Variants in STK33 observed in about 807,000 individuals in gnomAD.
The protein encoded by STK33 is serine/threonine-protein kinase 33.
In STK33, 52 loss-of-function variants were observed where a neutral mutation model predicts 58.0. The ratio of observed to expected loss-of-function variants is 0.90; its 90% CI spans 0.72 to 1.13. The LOEUF is 1.13. Ranked by LOEUF, STK33 falls within the 50% of genes most tolerant of loss-of-function variation. The probability of loss-of-function intolerance (pLI) is 0.00; values close to 1 mark genes in which losing one functional copy is unlikely to be tolerated. For missense variants in STK33, 630 were observed against 604.2 expected (o/e 1.04, Z -0.45); for synonymous variants, 215 against 200.1 (o/e 1.07, Z -0.63).
intron 2 of STK33, among the ~76,000 whole-genome samples, chr11:8,478,180 T>C (rs1383041374): frequency 6.6e-6 from 1 of 152,198 alleles, no homozygotes; most frequent in Non-Finnish European, 1.5e-5. Flanking sequence ...ACAAATGATG[T>C]CACTCATATT....
At chr11:8,382,501 A>T in the STK33 span, among the ~76,000 whole-genome samples, 1 of 152,252 alleles carries the variant, frequency 6.6e-6, no homozygotes, top group Non-Finnish European at 1.5e-5. Flanking sequence ...CAAAAGACTC[A>T]GATTCCTGAT....
At chr11:8,396,933 C>T (rs1006855789) in intron 15 of STK33, among the ~76,000 whole-genome samples, 7 of 152,292 alleles carry the variant, frequency 4.6e-5, no homozygotes, top group Non-Finnish European at 8.8e-5. Flanking sequence ...CCGCCATTGC[C>T]GAGGCTTGAG....
chr11:8,568,514 A>G (rs1373734755), intron 1 of STK33, among the ~76,000 whole-genome samples: 1 of 152,222 alleles, frequency 6.6e-6, no homozygotes, highest in Admixed American at 6.5e-5. Flanking sequence ...TCGCTCTGCT[A>G]TTAAAAGTCA....
chr11:8,363,941 G>A, the STK33 span, among the ~76,000 whole-genome samples: 751 of 152,310 alleles, frequency 4.9e-3, 3 homozygotes, highest in African/African-American at 0.01. Flanking sequence ...AGTGCTGGTC[G>A]TGTCACTTAC....
the STK33 span, among the ~76,000 whole-genome samples, chr11:8,358,781 GAATA>G: frequency 1.3e-5 from 2 of 152,162 alleles, no homozygotes; most frequent in East Asian, 3.8e-4. Flanking sequence ...TGACATAAAT[GAATA>G]AATTGAAAAT....
At position 8,474,653 on chromosome 11, in the gene STK33, G is replaced by C; in HGVS notation, c.225+28C>G. ...ATTAGGGAACGGGATGTCAACTTGT[G>C]CTTAGATGTGGAATCTTTGATATTT... On this transcript the variant is annotated intron_variant, in intron 5 of 15. Transcript: ENST00000687296. The C allele has an allele frequency of 1.9e-6, 3 of 1,541,794 alleles. No homozygotes were observed. In the South Asian group the frequency reaches 3.6e-5, roughly 19 times the overall value.
intron 1 of STK33, among the ~76,000 whole-genome samples, chr11:8,586,510 C>T (rs1315936857): frequency 1.3e-5 from 2 of 152,060 alleles, no homozygotes; most frequent in African/African-American, 2.4e-5. Flanking sequence ...TGTTATAGCA[C>T]CTGCCTCAGG....
chr11:8,406,716 C>T (rs576521482), intron 15 of STK33, among the ~76,000 whole-genome samples: 1 of 152,094 alleles, frequency 6.6e-6, no homozygotes, highest in African/African-American at 2.4e-5. Flanking sequence ...CATCCAGCAA[C>T]CTCTTTAATT....
rs1956915051 is a variant in STK33, at chr11:8,558,496, T to C, written c.-466+35587A>G. Among the ~76,000 whole-genome samples the C allele has an allele frequency of 2.6e-5, 4 of 152,178 alleles. No homozygotes were observed. In the South Asian group the frequency reaches 8.3e-4, roughly 32 times the overall value. The stretch of plus-strand genomic sequence containing the variant: ...TTAGGAAACATAAATATATGGCACC[T>C]TACCTTGAAAAAAACCTGAAGTTTA... On this transcript the variant is annotated intron_variant, in intron 1 of 15. Coordinates refer to ENST00000687296, the MANE Select transcript of STK33 (RefSeq NM_001352389.2).
At chr11:8,551,622 T>C (rs1956306443) in intron 1 of STK33, among the ~76,000 whole-genome samples, 1 of 152,178 alleles carries the variant, frequency 6.6e-6, no homozygotes, top group African/African-American at 2.4e-5. Context: ...TTTCGTGGTG[T>C]TAGACCTTTA....
intron 1 of STK33, among the ~76,000 whole-genome samples, chr11:8,582,799 T>C (rs2030641603): frequency 6.6e-6 from 1 of 152,184 alleles, no homozygotes. Flanking sequence ...CTATGGTATG[T>C]TCAGAAACAT....
chr11:8,436,672 A>T (rs1944106469), intron 12 of STK33, among the ~76,000 whole-genome samples: 1 of 152,190 alleles, frequency 6.6e-6, no homozygotes, highest in African/African-American at 2.4e-5. Context: ...TAATAACAAA[A>T]ATAAACCAAG....
At chr11:8,400,395 A>G (rs1284932950) in intron 15 of STK33, among the ~76,000 whole-genome samples, 1 of 152,232 alleles carries the variant, frequency 6.6e-6, no homozygotes, top group Admixed American at 6.5e-5. Context: ...TAGATGCAGA[A>G]AAGGCCTTTG....
chr11:8,474,187 AATG>A (rs1415045119), intron 5 of STK33, among the ~76,000 whole-genome samples: 1 of 152,192 alleles, frequency 6.6e-6, no homozygotes, highest in Non-Finnish European at 1.5e-5. Flanking sequence ...AAAAAAAAAA[AATG>A]ATGAATACAT....
At position 8,405,428 on chromosome 11, in the gene STK33, G is replaced by T. The variant is rs1238842604; in HGVS notation, c.1344+8067C>A. ...AGTCTACTGACTATTTTAAAACATG[G>T]ATTGCCTTATTGCAATGTAGGAGTT... On this transcript the variant is annotated intron_variant, in intron 15 of 15. Transcript: ENST00000687296. 1.4e-4 allele frequency among the ~76,000 whole-genome samples: 22 copies of T among 152,086 alleles called. 1 individual carries two copies. The highest frequency in any genetic ancestry group is 1.4e-3 in the Admixed American group (22 of 15,272).
chr11:8,431,767 T>C (rs1212650204), intron 14 of STK33, among the ~76,000 whole-genome samples: 3 of 152,234 alleles, frequency 2.0e-5, no homozygotes, highest in Admixed American at 6.5e-5. Flanking sequence ...GGAATGAAGT[T>C]AAAATTGTAA....
At chr11:8,371,780 C>T in the STK33 span, among the ~76,000 whole-genome samples, 8 of 128,508 alleles carry the variant, frequency 6.2e-5, no homozygotes, top group Non-Finnish European at 1.3e-4. Context: ...TCCATCCCTT[C>T]GTTCCTTTCT....
At chr11:8,464,262 C>T (rs1947903237) in intron 7 of STK33, among the ~76,000 whole-genome samples, 1 of 151,964 alleles carries the variant, frequency 6.6e-6, no homozygotes, top group Non-Finnish European at 1.5e-5. Flanking sequence ...AGTGGTTCAA[C>T]ATGAAAGAGC....
At chr11:8,348,411 G>T in the STK33 span, among the ~76,000 whole-genome samples, 3 of 152,150 alleles carry the variant, frequency 2.0e-5, no homozygotes, top group Non-Finnish European at 4.4e-5. Flanking sequence ...TGAGAGCCAA[G>T]CGAAAGGGGA....
Sources: allele counts gnomAD v4.1 joint callset (sites outside exome capture counted in the v4.1 genomes callset), GRCh38; gene constraint gnomAD v4.1.1; transcripts MANE v1.5; gene names NCBI Gene and HGNC (gene_info 2026-07-23, HGNC 2026-07-21).